The following PEX5L variants were observed in gnomAD, a reference collection of about 807,000 sequenced individuals.
PEX5L encodes the protein PEX5-related protein.
A neutral mutation model predicts 84.0 loss-of-function variants in PEX5L; 30 were observed. The observed-to-expected ratio is 0.36, with a 90% CI of 0.27 to 0.48. PEX5L has a LOEUF of 0.48. Ranked by LOEUF, PEX5L falls within the 20% of genes least tolerant of loss-of-function variation. The probability of loss-of-function intolerance (pLI) is 0.99; values close to 1 mark genes in which losing one functional copy is unlikely to be tolerated. For synonymous variants in PEX5L, 270 were observed against 283.1 expected (o/e 0.95, Z 0.46); for missense variants, 533 against 754.6 (o/e 0.71, Z 3.44).
At chr3:179,988,571 T>A (rs142576609) in intron 1 of PEX5L, among the ~76,000 whole-genome samples, 293 of 152,296 alleles carry the variant, frequency 1.9e-3, no homozygotes, top group African/African-American at 6.8e-3. Flanking sequence ...ACTTAATATT[T>A]CATAATAACC....
intron 2 of PEX5L, among the ~76,000 whole-genome samples, chr3:179,956,010 A>G (rs138560010): frequency 1.1e-3 from 164 of 152,274 alleles, no homozygotes; most frequent in African/African-American, 3.8e-3. Context: ...TTCCTTACAG[A>G]CGATACCATC....
At position 179,898,210 on chromosome 3, in the gene PEX5L, T is replaced by C. The variant is rs768799147; in HGVS notation, c.130A>G (p.Met44Val). The C allele has an allele frequency of 1.1e-5, 18 of 1,613,608 alleles. No individual in the cohort carries two copies. The highest frequency in any genetic ancestry group is 2.7e-5 in the African/African-American group (2 of 75,010). Residue 44 changes from methionine (M) to valine (V), a missense_variant, in exon 3 of 15, where the codon ATG (methionine) becomes GTG (valine). Met to Val is a conservative substitution (Grantham distance 21, BLOSUM62 1). This residue lies in a region of PEX5L where 259 missense variants were observed against 301.7 expected (regional missense o/e 0.86). Transcript: ENST00000467460. ...GSRAADKAVA[M>V]VMKEIPREES... ...TCCCTCGGTATCTCCTTCATCACCA[T>C]GGCAACAGCCTTATCTGCCGCCCTA...
At chr3:180,036,461 G>T (rs1004575705) in intron 1 of PEX5L, 118 bp downstream of exon 1, 9 of 953,056 alleles carry the variant, frequency 9.4e-6, no homozygotes, top group African/African-American at 1.6e-5. Context: ...CGGTCATGTT[G>T]CATCACTTCA....
intron 2 of PEX5L, among the ~76,000 whole-genome samples, chr3:179,931,058 A>G (rs545738178): frequency 6.6e-6 from 1 of 152,352 alleles, no homozygotes; most frequent in African/African-American, 2.4e-5. Context: ...ACACACACAC[A>G]TACACAAACC....
chr3:180,003,866 G>A (rs759539800), intron 1 of PEX5L, among the ~76,000 whole-genome samples: 13 of 152,156 alleles, frequency 8.5e-5, no homozygotes, highest in Non-Finnish European at 1.8e-4. Flanking sequence ...ACAAATAAGT[G>A]AAGGGAATTC....
chr3:179,916,817 A>T (rs188816022), intron 2 of PEX5L, among the ~76,000 whole-genome samples: 14 of 151,966 alleles, frequency 9.2e-5, no homozygotes, highest in African/African-American at 3.4e-4. Flanking sequence ...TTACAGGTGC[A>T]CACCACCACT....
intron 8 of PEX5L, among the ~76,000 whole-genome samples, chr3:179,823,468 C>T (rs181265256): frequency 9.9e-5 from 15 of 152,162 alleles, no homozygotes; most frequent in African/African-American, 3.4e-4. Flanking sequence ...TAGAGAAAGG[C>T]GCTGTATAAC....
intron 4 of PEX5L, among the ~76,000 whole-genome samples, 170 bp from the exon 5 acceptor site, chr3:179,880,293 T>G (rs1169949083): frequency 6.6e-6 from 1 of 152,248 alleles, no homozygotes. Context: ...GGATGTTTGC[T>G]GCATGTTATT....
chr3:180,016,509 T>C (rs1466413433), intron 1 of PEX5L, among the ~76,000 whole-genome samples: 1 of 152,222 alleles, frequency 6.6e-6, no homozygotes. Flanking sequence ...TGAATATACC[T>C]GGTTCAATTA....
chr3:180,007,442 G>A (rs911091724), intron 1 of PEX5L, among the ~76,000 whole-genome samples: 7 of 152,160 alleles, frequency 4.6e-5, no homozygotes, highest in Admixed American at 1.3e-4. Context: ...GCTGTCAGTG[G>A]ATCTACCATT....
At chr3:180,027,576 G>A (rs1350435688) in intron 1 of PEX5L, among the ~76,000 whole-genome samples, 1 of 151,940 alleles carries the variant, frequency 6.6e-6, no homozygotes, top group Non-Finnish European at 1.5e-5. Context: ...CATACAGTAC[G>A]TGTATGTCCT....
chr3:179,816,535 A>G (rs1726157438), intron 9 of PEX5L, among the ~76,000 whole-genome samples: 1 of 152,144 alleles, frequency 6.6e-6, no homozygotes, highest in South Asian at 2.1e-4. Flanking sequence ...GGAGTTGAAC[A>G]ATGAGAACAC....
At chr3:179,876,450 T>C (rs1752433145) in intron 5 of PEX5L, among the ~76,000 whole-genome samples, 1 of 151,704 alleles carries the variant, frequency 6.6e-6, no homozygotes. Context: ...TGGGCCCAGA[T>C]TGCGCCTCTG....
chr3:179,902,648 C>G lies in PEX5L; in HGVS notation c.94-4402G>C, dbSNP rs183702508. On this transcript the variant is annotated intron_variant, in intron 2 of 14. Coordinates refer to ENST00000467460, the MANE Select transcript of PEX5L (RefSeq NM_016559.3). ...AATGCTAGCTAAATGCCATTAAATG[C>G]CACTTTTACTAAGACTTTCTTGAGA... is the stretch of plus-strand genomic sequence containing the variant. 4 of 456,084 alleles carry G rather than the reference C, an allele frequency of 8.8e-6. No homozygotes were observed. In the Admixed American group the frequency reaches 9.4e-5, roughly 11 times the overall value. 28.3% of individuals were successfully genotyped at this position (456,084 alleles called of 1,614,324 possible).
chr3:179,861,853 T>C (rs1307580012), intron 7 of PEX5L, among the ~76,000 whole-genome samples: 2 of 152,242 alleles, frequency 1.3e-5, no homozygotes, highest in Non-Finnish European at 2.9e-5. Context: ...TAGAAAAATG[T>C]ATGCCCAACT....
intron 8 of PEX5L, among the ~76,000 whole-genome samples, chr3:179,857,484 G>C (rs71310398): frequency 0.032 from 4,849 of 152,238 alleles, 111 homozygotes; most frequent in Non-Finnish European, 0.049. Flanking sequence ...TGTTTTAATA[G>C]AAAAAATTTT....
chr3:179,868,310 C>T (rs897600946), intron 7 of PEX5L, among the ~76,000 whole-genome samples: 1 of 151,906 alleles, frequency 6.6e-6, no homozygotes, highest in Non-Finnish European at 1.5e-5. Context: ...ATTATATTAA[C>T]TCCCAAAGTT....
chr3:179,945,238 A>G (rs553371525), intron 2 of PEX5L, among the ~76,000 whole-genome samples: 7 of 152,314 alleles, frequency 4.6e-5, no homozygotes, highest in African/African-American at 1.7e-4. Context: ...TGGTTGGGAC[A>G]GGGTGAAATC....
chr3:179,991,445 G>C (rs1176850892), intron 1 of PEX5L, among the ~76,000 whole-genome samples: 3 of 152,130 alleles, frequency 2.0e-5, no homozygotes, highest in Non-Finnish European at 4.4e-5. Flanking sequence ...TTGCCAACCA[G>C]AGCTCTTTCT....
Sources: gnomAD v4.1 joint callset for allele counts (sites outside exome capture counted in the v4.1 genomes callset) on GRCh38, gnomAD v4.1.1 for gene constraint, gnomAD v4.1.1 regional missense constraint, MANE v1.5 for transcripts, NCBI Gene and HGNC (gene_info 2026-07-23, HGNC 2026-07-21) for gene names.